Variants in SPTLC3 observed in about 807,000 individuals in gnomAD.
The protein encoded by SPTLC3 is serine palmitoyltransferase 3.
In SPTLC3, 36 loss-of-function variants were observed where a neutral mutation model predicts 59.3. The observed-to-expected ratio is 0.61, with a 90% CI of 0.47 to 0.80. The LOEUF (loss-of-function observed/expected upper bound fraction) is 0.80, where lower values mean the gene tolerates loss of function less well. SPTLC3 is among the 30% of genes least tolerant of loss of function. The probability of loss-of-function intolerance (pLI) is 0.00; values close to 1 mark genes in which losing one functional copy is unlikely to be tolerated. For synonymous variants in SPTLC3, 257 were observed against 240.8 expected (o/e 1.07, Z -0.62); for missense variants, 625 against 685.1 (o/e 0.91, Z 0.98).
At chr20:13,058,389 T>C (rs554926743) in intron 2 of SPTLC3, among the ~76,000 whole-genome samples, 29 of 152,288 alleles carry the variant, frequency 1.9e-4, no homozygotes, top group Admixed American at 1.2e-3. Context: ...CAAAGTTTCA[T>C]TGGGGTATCT....
chr20:13,071,915 A>G (rs1220597738), intron 2 of SPTLC3, among the ~76,000 whole-genome samples: 3 of 152,222 alleles, frequency 2.0e-5, no homozygotes, highest in Non-Finnish European at 4.4e-5. Context: ...TTGAAATCAC[A>G]TGATCATCTC....
chr20:13,107,545 A>G (rs779104250), intron 6 of SPTLC3, among the ~76,000 whole-genome samples: 4 of 152,202 alleles, frequency 2.6e-5, no homozygotes, highest in Non-Finnish European at 5.9e-5. Flanking sequence ...ATGTGAAAAG[A>G]ACACAATAGT....
intron 2 of SPTLC3, among the ~76,000 whole-genome samples, chr20:13,056,874 T>C (rs377085354): frequency 6.6e-6 from 1 of 151,908 alleles, no homozygotes; most frequent in African/African-American, 2.4e-5. Context: ...CTCAAGTAGA[T>C]GGGACTACAG....
chr20:13,017,043 T>C (rs889282314), intron 1 of SPTLC3, among the ~76,000 whole-genome samples: 3 of 152,152 alleles, frequency 2.0e-5, no homozygotes, highest in Non-Finnish European at 4.4e-5. Flanking sequence ...TATCCTTTAG[T>C]CCACGCTTCC....
chr20:13,091,809 G>A (rs1789073513), intron 5 of SPTLC3, among the ~76,000 whole-genome samples: 1 of 152,050 alleles, frequency 6.6e-6, no homozygotes, highest in Non-Finnish European at 1.5e-5. Flanking sequence ...ACTTCTCAGA[G>A]CTAATATTTA....
At chr20:13,061,243 C>T (rs1987960558) in intron 2 of SPTLC3, among the ~76,000 whole-genome samples, 1 of 152,114 alleles carries the variant, frequency 6.6e-6, no homozygotes, top group South Asian at 2.1e-4. Flanking sequence ...AAGCATCTTT[C>T]TAGAAAGCTG....
At chr20:13,044,769 G>T (rs1178909798) in intron 1 of SPTLC3, among the ~76,000 whole-genome samples, 1 of 151,976 alleles carries the variant, frequency 6.6e-6, no homozygotes, top group Non-Finnish European at 1.5e-5. Context: ...GACATTTGAG[G>T]CCTCGAAAAA....
chr20:13,074,101 A>G, intron 3 of SPTLC3: 3 of 674,888 alleles, frequency 4.4e-6, no homozygotes, highest in Non-Finnish European at 2.8e-6. Context: ...ATCCTTTTCC[A>G]GCTTCCAGGG....
At chr20:13,153,300 G>A (rs113911744) in intron 9 of SPTLC3, among the ~76,000 whole-genome samples, 2,792 of 152,266 alleles carry the variant, frequency 0.018, 53 homozygotes, top group South Asian at 0.03. Context: ...TAGGACACAG[G>A]CTATAAGAGC....
At chr20:13,059,933 T>G (rs555473714) in intron 2 of SPTLC3, among the ~76,000 whole-genome samples, 2 of 152,192 alleles carry the variant, frequency 1.3e-5, no homozygotes, top group Non-Finnish European at 2.9e-5. Flanking sequence ...AGCCTCAAGA[T>G]AGCCCTTGGT....
chr20:13,164,887 C>T lies in SPTLC3; in HGVS notation c.*20C>T. 6.3e-7 allele frequency: 1 copy of T among 1,591,932 alleles called. No individual in the cohort carries two copies. The highest frequency in any genetic ancestry group is 8.6e-7 in the Non-Finnish European group (1 of 1,164,932). Reference sequence around the variant, plus strand: ...GATTAAGTTTCCTGGTCCTGAATGACACATAAAGACTTTGCGAGAAAGACC... The same window carrying T: ...GATTAAGTTTCCTGGTCCTGAATGATACATAAAGACTTTGCGAGAAAGACC... On this transcript the variant is annotated 3_prime_UTR_variant, in exon 12 of 12. Coordinates refer to ENST00000399002, the MANE Select transcript of SPTLC3 (RefSeq NM_018327.4).
chr20:13,025,620 T>C (rs566540738), intron 1 of SPTLC3, among the ~76,000 whole-genome samples: 1 of 152,308 alleles, frequency 6.6e-6, no homozygotes, highest in African/African-American at 2.4e-5. Context: ...CTATTACTAA[T>C]ATTGACCCTT....
chr20:13,038,850 T>C (rs1313757968), intron 1 of SPTLC3, among the ~76,000 whole-genome samples: 1 of 152,170 alleles, frequency 6.6e-6, no homozygotes, highest in African/African-American at 2.4e-5. Context: ...TCTTCATTTT[T>C]ATTTATCTCA....
chr20:13,156,398 T>C (rs2038769148), intron 10 of SPTLC3, among the ~76,000 whole-genome samples: 1 of 152,216 alleles, frequency 6.6e-6, no homozygotes. Flanking sequence ...CAATATGCTA[T>C]GAACGATATG....
chr20:13,104,838 A>G (rs552987978), intron 6 of SPTLC3, among the ~76,000 whole-genome samples: 1 of 152,258 alleles, frequency 6.6e-6, no homozygotes, highest in Admixed American at 6.5e-5. Flanking sequence ...ATCAACAAGA[A>G]CAGGTTTGTT....
chr20:13,042,779 C>T (rs1393061166), intron 1 of SPTLC3, among the ~76,000 whole-genome samples: 1 of 152,198 alleles, frequency 6.6e-6, no homozygotes, highest in East Asian at 1.9e-4. Context: ...GCCACAGACT[C>T]TCAGTGTTCT....
chr20:13,079,513 T>G (rs1988766046), intron 4 of SPTLC3, among the ~76,000 whole-genome samples: 1 of 152,046 alleles, frequency 6.6e-6, no homozygotes, highest in African/African-American at 2.4e-5. Flanking sequence ...CAAAAACACT[T>G]TCAAAATAAA....
intron 1 of SPTLC3, among the ~76,000 whole-genome samples, chr20:13,033,522 T>A (rs954258280): frequency 2.6e-5 from 4 of 152,188 alleles, no homozygotes; most frequent in African/African-American, 7.2e-5. Flanking sequence ...TTTCTTCTAT[T>A]CACTTCACGT....
chr20:13,089,898 A>G (rs1989155889), intron 4 of SPTLC3, among the ~76,000 whole-genome samples: 1 of 152,202 alleles, frequency 6.6e-6, no homozygotes, highest in South Asian at 2.1e-4. Context: ...CTTCATAAAG[A>G]CATTAAATTT....
Sources: allele counts gnomAD v4.1 joint callset (sites outside exome capture counted in the v4.1 genomes callset), GRCh38; gene constraint gnomAD v4.1.1; transcripts MANE v1.5; gene names NCBI Gene and HGNC (gene_info 2026-07-23, HGNC 2026-07-21).